IGSF10: variants seen among roughly 807,000 people sequenced by gnomAD.
IGSF10 encodes the protein immunoglobulin superfamily member 10.
A neutral mutation model predicts 128.2 loss-of-function variants in IGSF10; 126 were observed. The ratio of observed to expected loss-of-function variants is 0.98; its 90% CI spans 0.85 to 1.14. The LOEUF (loss-of-function observed/expected upper bound fraction) is 1.14. Ranked by LOEUF, IGSF10 falls within the 50% of genes most tolerant of loss-of-function variation. The pLI, the probability that IGSF10 is intolerant of heterozygous loss-of-function variation, is 0.00. For synonymous variants in IGSF10, 1,185 were observed against 1,146.2 expected (o/e 1.03, Z -0.68); for missense variants, 3,295 against 3,149.8 (o/e 1.05, Z -1.10).
chr3:151,562,276 C>T, the IGSF10 span, among the ~76,000 whole-genome samples: 1 of 152,068 alleles, frequency 6.6e-6, no homozygotes, highest in Non-Finnish European at 1.5e-5. Flanking sequence ...CAGGAAGTTA[C>T]CATATATGGT....
chr3:151,452,945 A>G (rs540120936), intron 5 of IGSF10, among the ~76,000 whole-genome samples: 3 of 152,114 alleles, frequency 2.0e-5, no homozygotes, highest in Non-Finnish European at 2.9e-5. Context: ...ACGAGGAGGT[A>G]AAACAGCTTG....
the IGSF10 span, among the ~76,000 whole-genome samples, chr3:151,531,618 A>G: frequency 6.7e-6 from 1 of 150,074 alleles, no homozygotes; most frequent in Non-Finnish European, 1.5e-5. Context: ...AGAAATAAGT[A>G]AGTTTTTTGA....
In IGSF10 at chr3:151,448,487, T is replaced by G. The variant is rs983053187; in HGVS notation, c.1494A>C (p.Pro498=). The stretch of plus-strand genomic sequence containing the variant: ...CGTGTGGGGTGGGGTCTCCTTGGCC[T>G]GGGCAGTTCAGGCCAACGGTTCCAC... ...LVGGTVGLNC[P]GQGDPTPHVD... The change falls in exon 6 of 8, where the codon CCA becomes CCC. Residue 498 remains proline, a synonymous_variant. Coordinates refer to ENST00000282466, the MANE Select transcript of IGSF10 (RefSeq NM_178822.5). The G allele has an allele frequency of 6.2e-7, 1 of 1,614,230 alleles. No individual in the cohort carries two copies. The highest frequency in any genetic ancestry group is 1.3e-5 in the African/African-American group (1 of 75,070).
chr3:151,531,102 A>G, the IGSF10 span, among the ~76,000 whole-genome samples: 2 of 152,222 alleles, frequency 1.3e-5, no homozygotes, highest in African/African-American at 2.4e-5. Flanking sequence ...AGGGCATTAC[A>G]TAATGGTAAA....
chr3:151,475,026 G>C, the IGSF10 span, among the ~76,000 whole-genome samples: 2 of 152,164 alleles, frequency 1.3e-5, no homozygotes, highest in Non-Finnish European at 2.9e-5. Flanking sequence ...TTATTAAGGA[G>C]CATGTCTTAG....
chr3:151,551,008 C>A, the IGSF10 span, among the ~76,000 whole-genome samples: 1 of 152,222 alleles, frequency 6.6e-6, no homozygotes, highest in South Asian at 2.1e-4. Flanking sequence ...GCCAGTCCTG[C>A]TAACAACCCA....
At chr3:151,487,141 AAG>A in the IGSF10 span, among the ~76,000 whole-genome samples, 1 of 152,224 alleles carries the variant, frequency 6.6e-6, no homozygotes, top group Non-Finnish European at 1.5e-5. Context: ...AAAAATGACA[AAG>A]AGAATATCAC....
the IGSF10 span, among the ~76,000 whole-genome samples, chr3:151,592,189 G>A: frequency 6.6e-6 from 1 of 151,030 alleles, no homozygotes; most frequent in Non-Finnish European, 1.5e-5. Context: ...ATTAAAAGGG[G>A]GTTAGAGAAG....
the IGSF10 span, among the ~76,000 whole-genome samples, chr3:151,552,447 G>C: frequency 6.6e-6 from 1 of 152,104 alleles, no homozygotes. Context: ...GTGTCCTTAA[G>C]CAACATCTTA....
chr3:151,508,611 A>G, the IGSF10 span, among the ~76,000 whole-genome samples: 2 of 152,138 alleles, frequency 1.3e-5, no homozygotes, highest in Non-Finnish European at 2.9e-5. Flanking sequence ...GTGATCTGTG[A>G]TCCTATGTTG....
At chr3:151,614,766 A>G in the IGSF10 span, among the ~76,000 whole-genome samples, 1 of 152,158 alleles carries the variant, frequency 6.6e-6, no homozygotes, top group African/African-American at 2.4e-5. Flanking sequence ...GCACATGTAT[A>G]TATATGTAAC....
At chr3:151,457,953 CAAAT>C (rs1721875907) in intron 3 of IGSF10, among the ~76,000 whole-genome samples, 1 of 152,128 alleles carries the variant, frequency 6.6e-6, no homozygotes, top group Non-Finnish European at 1.5e-5. Flanking sequence ...TCACTAATGT[CAAAT>C]AAACGATGCT....
chr3:151,558,027 A>ATAATATATAATATATATATATAT, the IGSF10 span, among the ~76,000 whole-genome samples: 2 of 52,932 alleles, frequency 3.8e-5, 1 homozygote, highest in African/African-American at 1.7e-4. Context: ...TAATATATAT[A>ATAATATATAATATATATATATAT]TTGGTACAAT....
chr3:151,617,489 A>G, the IGSF10 span, among the ~76,000 whole-genome samples: 2 of 151,698 alleles, frequency 1.3e-5, no homozygotes, highest in East Asian at 3.9e-4. Context: ...TTGGAAGTAG[A>G]TAACTTGTTT....
chr3:151,607,412 C>A, the IGSF10 span, among the ~76,000 whole-genome samples: 245 of 151,894 alleles, frequency 1.6e-3, no homozygotes, highest in Non-Finnish European at 2.8e-3. Context: ...TAAAAAAAAA[C>A]CACTAATAAC....
the IGSF10 span, among the ~76,000 whole-genome samples, chr3:151,473,110 C>T: frequency 6.6e-6 from 1 of 152,178 alleles, no homozygotes; most frequent in Non-Finnish European, 1.5e-5. Flanking sequence ...ATCATGAAAG[C>T]CTTATGTGTT....
rs188044591 is a variant in IGSF10 at position 151,441,264 on chromosome 3, T to G, written c.5963+1720A>C. Among the ~76,000 whole-genome samples the G allele has an allele frequency of 4.7e-3, 721 of 152,312 alleles. 7 individuals carry two copies. The highest frequency in any genetic ancestry group is 0.016 in the African/African-American group (674 of 41,572). On this transcript the variant is annotated intron_variant, in intron 7 of 7. Transcript: ENST00000282466. ...TATAAACTAATATTTTTGAGAGAGATAATTTACTTTTGAAAATAGAAGGTT... is the reference window on the plus strand; with the variant it reads ...TATAAACTAATATTTTTGAGAGAGAGAATTTACTTTTGAAAATAGAAGGTT...
the IGSF10 span, among the ~76,000 whole-genome samples, chr3:151,553,902 A>G: frequency 6.6e-6 from 1 of 151,842 alleles, no homozygotes; most frequent in Non-Finnish European, 1.5e-5. Flanking sequence ...GCACTTGAAG[A>G]CAGAAGGTGG....
At chr3:151,535,914 T>C in the IGSF10 span, among the ~76,000 whole-genome samples, 4 of 152,192 alleles carry the variant, frequency 2.6e-5, no homozygotes, top group Non-Finnish European at 5.9e-5. Flanking sequence ...ACTTCACTGT[T>C]TATTATTTGT....
Sources: gnomAD v4.1 joint callset for allele counts (sites outside exome capture counted in the v4.1 genomes callset) on GRCh38, gnomAD v4.1.1 for gene constraint, MANE v1.5 for transcripts, NCBI Gene and HGNC (gene_info 2026-07-23, HGNC 2026-07-21) for gene names.